Variants in EBF1 observed in about 807,000 individuals in gnomAD.
EBF1 encodes EBF transcription factor 1.
A neutral mutation model predicts 68.4 loss-of-function variants in EBF1; 10 were observed. The ratio of observed to expected loss-of-function variants is 0.15; its 90% CI spans 0.09 to 0.25. EBF1 has a LOEUF of 0.25. Ranked by LOEUF, EBF1 falls within the 10% of genes least tolerant of loss-of-function variation. The probability of loss-of-function intolerance (pLI) is 1.00; values close to 1 mark genes in which losing one functional copy is unlikely to be tolerated. For missense variants in EBF1, 509 were observed against 794.4 expected (o/e 0.64, Z 4.32); for synonymous variants, 298 against 299.8 (o/e 0.99, Z 0.06).
chr5:158,749,946 G>A (rs536032941), intron 10 of EBF1, among the ~76,000 whole-genome samples: 1 of 152,198 alleles, frequency 6.6e-6, no homozygotes, highest in East Asian at 1.9e-4. Context: ...CATCAACATT[G>A]AAACTACAGA....
At chr5:158,995,749 G>A (rs1217156639) in intron 6 of EBF1, among the ~76,000 whole-genome samples, 2 of 152,186 alleles carry the variant, frequency 1.3e-5, no homozygotes, top group African/African-American at 2.4e-5. Flanking sequence ...ATCACTGCAT[G>A]ATAAAAATCT....
At chr5:158,701,333 GA>G (rs1486618704) in intron 15 of EBF1, among the ~76,000 whole-genome samples, 1 of 148,418 alleles carries the variant, frequency 6.7e-6, no homozygotes, top group East Asian at 2.0e-4. Flanking sequence ...GCTGGTCTGT[GA>G]AAACATCCCA....
intron 6 of EBF1, among the ~76,000 whole-genome samples, chr5:158,909,152 G>A (rs1805333955): frequency 6.6e-6 from 1 of 151,892 alleles, no homozygotes; most frequent in East Asian, 1.9e-4. Flanking sequence ...GAAAAAGAAA[G>A]AAAGAACAGA....
intron 6 of EBF1, among the ~76,000 whole-genome samples, chr5:158,906,160 C>T (rs890182910): frequency 6.6e-6 from 1 of 151,882 alleles, no homozygotes; most frequent in African/African-American, 2.4e-5. Context: ...CACCTCCCCT[C>T]AAAGCTTCTC....
intron 9 of EBF1, among the ~76,000 whole-genome samples, chr5:158,789,907 GAGAT>G (rs1778264882): frequency 1.3e-5 from 2 of 152,146 alleles, no homozygotes; most frequent in African/African-American, 2.4e-5. Context: ...ATGGAAAGTA[GAGAT>G]AGATAGGAAG....
intron 6 of EBF1, among the ~76,000 whole-genome samples, chr5:158,864,650 G>A (rs139448641): frequency 6.6e-6 from 1 of 152,148 alleles, no homozygotes; most frequent in East Asian, 1.9e-4. Context: ...GTCAGTTACC[G>A]ACTCCAGCTA....
rs111933148 is a variant in EBF1 at position 158,715,608 on chromosome 5, T to A, written c.1126-1426A>T. Reference sequence around the variant, plus strand: ...TATAAAACAGTTTAGTTATTTTTCATGTAGGGAGTAAAGAACATTATATAA... The same window carrying A: ...TATAAAACAGTTTAGTTATTTTTCAAGTAGGGAGTAAAGAACATTATATAA... On this transcript the variant is annotated intron_variant, in intron 11 of 15. Transcript: ENST00000313708. 8.5e-3 allele frequency among the ~76,000 whole-genome samples: 1,300 copies of A among 152,296 alleles called. 28 individuals carry two copies. Among genetic ancestry groups the A allele is most frequent in the African/African-American group, 0.03 (1,232 of 41,560 alleles).
chr5:158,766,501 T>C (rs2127637138), intron 10 of EBF1, among the ~76,000 whole-genome samples: 1 of 152,328 alleles, frequency 6.6e-6, no homozygotes, highest in Non-Finnish European at 1.5e-5. Context: ...TGTGAAATAT[T>C]GTAAGTAGAC....
intron 6 of EBF1, among the ~76,000 whole-genome samples, chr5:159,044,299 A>G (rs937297009): frequency 6.6e-5 from 10 of 152,238 alleles, no homozygotes; most frequent in African/African-American, 2.2e-4. Flanking sequence ...AACAAATTAC[A>G]TTATTGGAAA....
chr5:159,079,405 C>G (rs1189699044), intron 5 of EBF1, among the ~76,000 whole-genome samples: 5 of 152,130 alleles, frequency 3.3e-5, no homozygotes, highest in Non-Finnish European at 7.4e-5. Flanking sequence ...TCACTGCCGA[C>G]ATCCTTCTTA....
chr5:158,712,386 T>C, intron 13 of EBF1, 53 bp from the exon 14 acceptor site: 1 of 1,590,324 alleles, frequency 6.3e-7, no homozygotes. Flanking sequence ...ATGGTGGCAA[T>C]CCTGGAAGAC....
At chr5:159,085,181 A>G (rs755392125) in intron 4 of EBF1, among the ~76,000 whole-genome samples, 12 of 152,152 alleles carry the variant, frequency 7.9e-5, no homozygotes, top group Admixed American at 6.5e-4. Context: ...TCTTCCAGGG[A>G]TGGGTAGTAG....
chr5:159,008,034 C>T (rs1338258571), intron 6 of EBF1, among the ~76,000 whole-genome samples: 1 of 152,178 alleles, frequency 6.6e-6, no homozygotes, highest in Non-Finnish European at 1.5e-5. Context: ...ATTTTATTTG[C>T]TAGCATGTAA....
chr5:158,783,859 C>A (rs1776898021), intron 9 of EBF1, among the ~76,000 whole-genome samples: 1 of 152,144 alleles, frequency 6.6e-6, no homozygotes, highest in Admixed American at 6.5e-5. Flanking sequence ...AAAGAGGCAG[C>A]CTGCAAAGTC....
chr5:158,759,176 T>A (rs1770831818), intron 10 of EBF1, among the ~76,000 whole-genome samples: 1 of 152,192 alleles, frequency 6.6e-6, no homozygotes, highest in African/African-American at 2.4e-5. Flanking sequence ...ACTATGTGGA[T>A]AAAGAAGGAG....
At chr5:159,077,156 TG>T (rs1485081969) in intron 5 of EBF1, among the ~76,000 whole-genome samples, 1 of 152,224 alleles carries the variant, frequency 6.6e-6, no homozygotes, top group Non-Finnish European at 1.5e-5. Flanking sequence ...CCTTCCCCTC[TG>T]GGCATGGTGG....
intron 6 of EBF1, among the ~76,000 whole-genome samples, chr5:158,937,886 T>C (rs956995290): frequency 1.3e-5 from 2 of 152,160 alleles, no homozygotes; most frequent in African/African-American, 2.4e-5. Flanking sequence ...CACCCACCCC[T>C]TGGCCATTGT....
chr5:159,026,461 T>C (rs1342241525), intron 6 of EBF1, among the ~76,000 whole-genome samples: 1 of 151,976 alleles, frequency 6.6e-6, no homozygotes, highest in Non-Finnish European at 1.5e-5. Context: ...CAAGCAAACA[T>C]AGGAGTTAAG....
chr5:158,991,520 CAAGAA>C (rs1417037401), intron 6 of EBF1, among the ~76,000 whole-genome samples: 1 of 152,084 alleles, frequency 6.6e-6, no homozygotes, highest in East Asian at 1.9e-4. Flanking sequence ...AAATGTTTTT[CAAGAA>C]AAGAAGAAGC....
Sources: gnomAD v4.1 joint callset for allele counts (sites outside exome capture counted in the v4.1 genomes callset) on GRCh38, gnomAD v4.1.1 for gene constraint, MANE v1.5 for transcripts, NCBI Gene and HGNC (gene_info 2026-07-23, HGNC 2026-07-21) for gene names.